The following CHST9 variants were observed in gnomAD, a reference collection of about 807,000 sequenced individuals.
CHST9 encodes the protein GalNAc-4-sulfotransferase 2.
In CHST9, 41 loss-of-function variants were observed where a neutral mutation model predicts 44.4. The ratio of observed to expected loss-of-function variants is 0.92; its 90% CI spans 0.72 to 1.20. CHST9 has a LOEUF of 1.20. Among genes scored for constraint, CHST9 ranks in the 50% most tolerant of loss-of-function variants. The probability of loss-of-function intolerance (pLI) is 0.00; values close to 1 mark genes in which losing one functional copy is unlikely to be tolerated. For synonymous variants in CHST9, 171 were observed against 178.4 expected (o/e 0.96, Z 0.33); for missense variants, 504 against 516.5 (o/e 0.98, Z 0.23).
At chr18:27,089,694 T>G (rs2058048612) in intron 2 of CHST9, among the ~76,000 whole-genome samples, 1 of 152,174 alleles carries the variant, frequency 6.6e-6, no homozygotes, top group Non-Finnish European at 1.5e-5. Flanking sequence ...TAGACCTAGA[T>G]CCTTGAGGAA....
At chr18:26,995,498 C>G (rs894850048) in intron 4 of CHST9, among the ~76,000 whole-genome samples, 8 of 150,514 alleles carry the variant, frequency 5.3e-5, no homozygotes, top group African/African-American at 9.7e-5. Context: ...GTAAAACTTT[C>G]TAGCTAAGCT....
chr18:27,131,307 T>C (rs141118299), intron 2 of CHST9, among the ~76,000 whole-genome samples: 1,715 of 152,142 alleles, frequency 0.011, 25 homozygotes, highest in African/African-American at 0.036. Flanking sequence ...CTCAGCACTT[T>C]GGGAGGATGA....
At chr18:27,108,407 C>T (rs897841952) in intron 2 of CHST9, among the ~76,000 whole-genome samples, 1 of 152,070 alleles carries the variant, frequency 6.6e-6, no homozygotes, top group African/African-American at 2.4e-5. Flanking sequence ...CTAGTGTGGG[C>T]AAGTATTTAA....
At chr18:27,120,641 A>G (rs1223616856) in intron 2 of CHST9, among the ~76,000 whole-genome samples, 1 of 152,022 alleles carries the variant, frequency 6.6e-6, no homozygotes, top group Non-Finnish European at 1.5e-5. Flanking sequence ...CCCTTGTCTC[A>G]CTCCTAGTTA....
At chr18:26,919,476 C>T (rs1256482275) in intron 5 of CHST9, among the ~76,000 whole-genome samples, 2 of 152,032 alleles carry the variant, frequency 1.3e-5, no homozygotes, top group Non-Finnish European at 2.9e-5. Flanking sequence ...TTAGCACAGG[C>T]CAAATATAAA....
intron 1 of CHST9, among the ~76,000 whole-genome samples, chr18:27,184,620 G>A (rs1390647982): frequency 6.6e-6 from 1 of 152,020 alleles, no homozygotes; most frequent in Non-Finnish European, 1.5e-5. Context: ...GCCAGGTCGC[G>A]GAGTTTGAGA....
chr18:27,125,621 TA>T (rs2058413925), intron 2 of CHST9, among the ~76,000 whole-genome samples: 1 of 152,212 alleles, frequency 6.6e-6, no homozygotes, highest in East Asian at 1.9e-4. Context: ...AGATTCATAC[TA>T]AATATGTAGC....
chr18:27,072,438 CTT>C (rs1358163260), intron 2 of CHST9, among the ~76,000 whole-genome samples: 8 of 152,010 alleles, frequency 5.3e-5, no homozygotes, highest in Non-Finnish European at 4.4e-5. Flanking sequence ...TGCCAAAAGG[CTT>C]TTCCTTAGCA....
In CHST9 at chr18:27,027,733, C is replaced by A. The variant is rs577128405; in HGVS notation, c.161-3576G>T. Among the ~76,000 whole-genome samples, 5 of 152,252 alleles carry A rather than the reference C, an allele frequency of 3.3e-5. No homozygotes were observed. In the South Asian group the frequency reaches 8.3e-4, roughly 25 times the overall value. On this transcript the variant is annotated intron_variant, in intron 3 of 5. Transcript: ENST00000618847. ...ATATAGCCACATATTTCCAGTTCTG[C>A]ATTTTCTTACATAAACTACACCCAT...
chr18:27,037,179 T>C (rs997060008), intron 3 of CHST9, among the ~76,000 whole-genome samples: 1 of 152,176 alleles, frequency 6.6e-6, no homozygotes, highest in African/African-American at 2.4e-5. Context: ...CGTTTACATT[T>C]TTTTCCAGCA....
At chr18:27,084,105 T>C (rs4321273) in intron 2 of CHST9, among the ~76,000 whole-genome samples, 44,468 of 151,778 alleles carry the variant, frequency 0.29, 7,902 homozygotes, top group Non-Finnish European at 0.4. Context: ...AGTTGCTTTT[T>C]TTTTTTTGCT....
chr18:27,097,449 C>T (rs1414837004), intron 2 of CHST9, among the ~76,000 whole-genome samples: 1 of 151,972 alleles, frequency 6.6e-6, no homozygotes, highest in Admixed American at 6.6e-5. Flanking sequence ...AAGAAGAAAT[C>T]CAACTATCTC....
chr18:27,023,783 G>A (rs2057251606), intron 4 of CHST9, among the ~76,000 whole-genome samples: 1 of 152,168 alleles, frequency 6.6e-6, no homozygotes, highest in South Asian at 2.1e-4. Context: ...CCAGGAAAGT[G>A]TTAAGTACTT....
intron 4 of CHST9, among the ~76,000 whole-genome samples, chr18:26,992,390 C>G: frequency 6.6e-6 from 1 of 151,968 alleles, no homozygotes; most frequent in East Asian, 1.9e-4. Flanking sequence ...TCTTATTTAC[C>G]ACTGAAGCTC....
chr18:27,017,551 A>G (rs9967366), intron 4 of CHST9, among the ~76,000 whole-genome samples: 169 of 152,290 alleles, frequency 1.1e-3, no homozygotes, highest in African/African-American at 3.8e-3. Flanking sequence ...AGGCCAAACT[A>G]AACTATGGTG....
intron 2 of CHST9, among the ~76,000 whole-genome samples, chr18:27,077,816 C>T (rs978247345): frequency 7.2e-5 from 11 of 151,984 alleles, no homozygotes; most frequent in East Asian, 1.9e-4. Flanking sequence ...AAGACATAAC[C>T]GAGACTGGGT....
chr18:27,079,463 AT>A (rs532203885), intron 2 of CHST9, among the ~76,000 whole-genome samples: 10 of 151,240 alleles, frequency 6.6e-5, no homozygotes, highest in African/African-American at 1.7e-4. Context: ...AATATTTTCT[AT>A]TTTTTTTTAC....
chr18:26,927,517 G>A (rs1667936323), intron 5 of CHST9, among the ~76,000 whole-genome samples: 2 of 152,008 alleles, frequency 1.3e-5, no homozygotes, highest in South Asian at 2.1e-4. Flanking sequence ...AGGGTCAGCA[G>A]GAAAACATGT....
At chr18:26,952,277 G>T in intron 4 of CHST9, 1 of 523,968 alleles carries the variant, frequency 1.9e-6, no homozygotes, top group Admixed American at 1.9e-5. Flanking sequence ...GGCTTTTCAG[G>T]GTGTTGGAAA....
Sources: allele counts gnomAD v4.1 joint callset (sites outside exome capture counted in the v4.1 genomes callset), GRCh38; gene constraint gnomAD v4.1.1; transcripts MANE v1.5; gene names NCBI Gene and HGNC (gene_info 2026-07-23, HGNC 2026-07-21).